The following HIPK3 variants were observed in gnomAD, a reference collection of about 807,000 sequenced individuals.
HIPK3 encodes the protein homeodomain-interacting protein kinase 3.
A neutral mutation model predicts 124.2 loss-of-function variants in HIPK3; 47 were observed. That is an observed-to-expected ratio of 0.38 (90% CI 0.30 to 0.48). The LOEUF (loss-of-function observed/expected upper bound fraction) is 0.48, where lower values mean the gene tolerates loss of function less well. HIPK3 is among the 20% of genes least tolerant of loss of function. The pLI is 0.98. For missense variants in HIPK3, 1,286 were observed against 1,454.3 expected, an observed-to-expected ratio of 0.88 and a Z score of 1.88; for synonymous variants, 482 against 515.2, an observed-to-expected ratio of 0.94 and a Z score of 0.87.
chr11:33,335,543 A>AATTC (rs1393299914), intron 3 of HIPK3: 4 of 152,228 alleles, frequency 2.6e-5, no homozygotes, highest in Non-Finnish European at 5.9e-5. Context: ...ATGAGACTAA[A>AATTC]ATTCAGATTG....
chr11:33,273,059 C>T (rs1271772443), intron 1 of HIPK3, among the ~76,000 whole-genome samples: 1 of 151,416 alleles, frequency 6.6e-6, no homozygotes, highest in African/African-American at 2.4e-5. Context: ...ATCTTAAACT[C>T]TTGGGCTCAA....
Position 33,351,680 on chromosome 11 carries a change from T to C in HIPK3, c.2880T>C (p.His960=), listed in dbSNP as rs752652242. 1 of 1,614,246 alleles carries C rather than the reference T, an allele frequency of 6.2e-7. No individual in the cohort carries two copies. The highest frequency in any genetic ancestry group is 8.5e-7 in the Non-Finnish European group (1 of 1,180,040). Residue 960 remains histidine, a synonymous_variant, in exon 15 of 17, where the codon CAT becomes CAC. Coordinates refer to ENST00000303296, the MANE Select transcript of HIPK3 (RefSeq NM_005734.5). The stretch of plus-strand genomic sequence containing the variant: ...CTCCGACATCTGACTCTTCCGGGCA[T>C]GACAGTCCATTTGCAGAGAGCACTT... ...DGSPTSDSSG[H]DSPFAESTFV...
intron 2 of HIPK3, among the ~76,000 whole-genome samples, chr11:33,323,989 C>G (rs1456696666): frequency 6.6e-6 from 1 of 152,172 alleles, no homozygotes; most frequent in Non-Finnish European, 1.5e-5. Flanking sequence ...CTGCAATATC[C>G]TTAGCACTGC....
At chr11:33,327,263 A>G (rs959696017) in intron 2 of HIPK3, among the ~76,000 whole-genome samples, 3 of 152,228 alleles carry the variant, frequency 2.0e-5, no homozygotes, top group Admixed American at 2.0e-4. Flanking sequence ...GCCTAATAAG[A>G]TACAATGAGA....
intron 3 of HIPK3, chr11:33,335,643 A>T (rs1404631089): frequency 6.6e-6 from 1 of 151,496 alleles, no homozygotes; most frequent in South Asian, 2.1e-4. Flanking sequence ...AGGGAGGTTT[A>T]CTTTTTTTTT....
At chr11:33,315,566 T>C (rs550261952) in intron 2 of HIPK3, among the ~76,000 whole-genome samples, 12 of 152,334 alleles carry the variant, frequency 7.9e-5, no homozygotes, top group Admixed American at 7.8e-4. Context: ...TCTTGCTGTG[T>C]TGCCCAGCCT....
intron 2 of HIPK3, among the ~76,000 whole-genome samples, chr11:33,307,915 A>G (rs1852214142): frequency 6.6e-6 from 1 of 152,094 alleles, no homozygotes; most frequent in Admixed American, 6.6e-5. Context: ...AATAATTTTA[A>G]TATAGTTTAA....
intron 1 of HIPK3, among the ~76,000 whole-genome samples, chr11:33,282,640 G>A (rs1211045190): frequency 6.6e-6 from 1 of 151,914 alleles, no homozygotes; most frequent in Non-Finnish European, 1.5e-5. Flanking sequence ...CTGAAATCAC[G>A]CCACTGCACT....
chr11:33,356,227 A>G lies in HIPK3; in HGVS notation c.*2659A>G, dbSNP rs1483675355. Reference sequence around the variant, plus strand: ...TTCAACATTTTCATAATACAGTATTAATGTTTGATAAAGGTATATCCCAGT... The same window carrying G: ...TTCAACATTTTCATAATACAGTATTGATGTTTGATAAAGGTATATCCCAGT... On this transcript the variant is annotated 3_prime_UTR_variant, in exon 17 of 17. Coordinates refer to ENST00000303296, the MANE Select transcript of HIPK3 (RefSeq NM_005734.5). The G allele has an allele frequency of 1.3e-5, 2 of 152,044 alleles. No homozygotes were observed. The highest frequency in any genetic ancestry group is 2.9e-5 in the Non-Finnish European group (2 of 67,902). The allele number at this position is 152,044 out of a possible 1,614,324, so 9.4% of individuals were successfully genotyped here. A position where few individuals can be genotyped will look rare whatever the true frequency, so the allele number is the denominator to read the frequency against.
At chr11:33,262,723 T>G (rs145488177) in intron 1 of HIPK3, among the ~76,000 whole-genome samples, 171 of 152,346 alleles carry the variant, frequency 1.1e-3, no homozygotes, top group Non-Finnish European at 2.1e-3. Context: ...AGGACCATAT[T>G]TTTGACCTTA....
At chr11:33,348,058 T>C in intron 11 of HIPK3, 45 bp downstream of exon 11, 3 of 1,611,722 alleles carry the variant, frequency 1.9e-6, no homozygotes, top group South Asian at 1.1e-5. Flanking sequence ...TGAGAATCTT[T>C]TAAATGAATT....
intron 1 of HIPK3, among the ~76,000 whole-genome samples, chr11:33,261,398 G>C (rs1850823830): frequency 6.6e-6 from 1 of 151,792 alleles, no homozygotes; most frequent in Non-Finnish European, 1.5e-5. Context: ...CCCAGTGTCT[G>C]TTGTTCCCCT....
At chr11:33,331,343 G>A (rs1188495145) in intron 3 of HIPK3, among the ~76,000 whole-genome samples, 1 of 152,096 alleles carries the variant, frequency 6.6e-6, no homozygotes, top group African/African-American at 2.4e-5. Context: ...CCAGTAATCA[G>A]CTGCCTAGAT....
chr11:33,279,135 G>A (rs1193766505), intron 1 of HIPK3, among the ~76,000 whole-genome samples: 1 of 151,938 alleles, frequency 6.6e-6, no homozygotes, highest in East Asian at 1.9e-4. Flanking sequence ...CCAACATGGC[G>A]AAACCCCATC....
At chr11:33,342,965 G>A (rs1377379291) in intron 8 of HIPK3, among the ~76,000 whole-genome samples, 9 of 152,146 alleles carry the variant, frequency 5.9e-5, no homozygotes, top group Admixed American at 5.9e-4. Flanking sequence ...CTGGGATTTT[G>A]TCCTTGCTAA....
chr11:33,260,190 C>T (rs75869178), intron 1 of HIPK3, among the ~76,000 whole-genome samples: 1,653 of 152,036 alleles, frequency 0.011, 13 homozygotes, highest in Non-Finnish European at 0.017. Context: ...TTTTGGATAC[C>T]ATAAAATAGG....
At chr11:33,263,597 G>A (rs1850880951) in intron 1 of HIPK3, among the ~76,000 whole-genome samples, 1 of 152,146 alleles carries the variant, frequency 6.6e-6, no homozygotes, top group African/African-American at 2.4e-5. Context: ...ATTACAGTAA[G>A]CCACCGCGCC....
intron 2 of HIPK3, among the ~76,000 whole-genome samples, chr11:33,326,134 A>G (rs1437946287): frequency 6.6e-6 from 1 of 152,096 alleles, no homozygotes; most frequent in East Asian, 1.9e-4. Flanking sequence ...TATCCTCTGA[A>G]TTTCCTTTGC....
intron 8 of HIPK3, among the ~76,000 whole-genome samples, chr11:33,343,109 T>TG (rs1357410111): frequency 6.6e-6 from 1 of 152,220 alleles, no homozygotes; most frequent in Non-Finnish European, 1.5e-5. Context: ...AATCTAATTC[T>TG]GTTTCTCCTG....
Sources: gnomAD v4.1 joint callset for allele counts (sites outside exome capture counted in the v4.1 genomes callset) on GRCh38, gnomAD v4.1.1 for gene constraint, MANE v1.5 for transcripts, NCBI Gene and HGNC (gene_info 2026-07-23, HGNC 2026-07-21) for gene names.